Variants in MMP25 observed in about 807,000 individuals in gnomAD.
MMP25 encodes matrix metallopeptidase 25.
In MMP25, 68 loss-of-function variants were observed where a neutral mutation model predicts 62.1. The observed-to-expected ratio is 1.10, with a 90% CI of 0.90 to 1.34. The LOEUF (loss-of-function observed/expected upper bound fraction) is 1.34, where lower values mean the gene tolerates loss of function less well. Ranked by LOEUF, MMP25 falls within the 40% of genes most tolerant of loss-of-function variation. The pLI is 0.00. For synonymous variants in MMP25, 407 were observed against 345.6 expected (o/e 1.18, Z -1.97); for missense variants, 942 against 792.5 (o/e 1.19, Z -2.26).
chr16:3,058,001 C>T (rs1596222149), intron 7 of MMP25, 180 bp from the exon 8 acceptor site: 2 of 687,884 alleles, frequency 2.9e-6, no homozygotes, highest in Non-Finnish European at 4.7e-6. Context: ...CCAGGCAAGG[C>T]CCTGGCACTT....
At chr16:3,050,918 G>A (rs537095794) in intron 4 of MMP25, among the ~76,000 whole-genome samples, 2 of 151,858 alleles carry the variant, frequency 1.3e-5, no homozygotes, top group Non-Finnish European at 2.9e-5. Context: ...CAGCCACCAC[G>A]TAGCCAGGAC....
At chr16:3,056,876 G>C in intron 4 of MMP25, 157 bp from the exon 5 acceptor site, 2 of 651,130 alleles carry the variant, frequency 3.1e-6, no homozygotes, top group Non-Finnish European at 5.1e-6. Flanking sequence ...AGACAGGGAT[G>C]ATGGAGAGTT....
chr16:3,059,966 C>T lies in MMP25; in HGVS notation c.*868C>T, dbSNP rs997806422. 1 of 152,310 alleles carries T rather than the reference C, an allele frequency of 6.6e-6. No individual in the cohort carries two copies. 9.4% of individuals were successfully genotyped at this position (152,310 alleles called of 1,614,324 possible). A position where few individuals can be genotyped will look rare whatever the true frequency, so the allele number is the denominator to read the frequency against. On this transcript the variant is annotated 3_prime_UTR_variant, in exon 10 of 10. Coordinates refer to ENST00000336577, the MANE Select transcript of MMP25 (RefSeq NM_022468.5). ...TGGGGAACCCTTCTATCCCCAAGAA[C>T]CCCTTCCCTGCTTGCACCCTGGAGA...
chr16:3,058,267 G>A lies in MMP25; in HGVS notation c.1093G>A (p.Ala365Thr), dbSNP rs1555440303. ...RLHRFWEGLP[A>T]QVRVVQAAYA... ...GCACCGCTTCTGGGAGGGGCTGCCC[G>A]CCCAGGTGAGGGTGGTGCAGGCCGC... The change falls in exon 8 of 10, where the codon GCC becomes ACC. Residue 365 changes from alanine (A) to threonine (T), a missense_variant. Ala to Thr is a moderately conservative substitution (Grantham distance 58). Coordinates refer to ENST00000336577, the MANE Select transcript of MMP25 (RefSeq NM_022468.5). The A allele has an allele frequency of 6.2e-7, 1 of 1,610,606 alleles. No homozygotes were observed. Among genetic ancestry groups the A allele is most frequent in the Admixed American group, 1.7e-5 (1 of 59,890 alleles).
At position 3,050,024 on chromosome 16, in the gene MMP25, C is replaced by T; in HGVS notation, c.248C>T (p.Ala83Val). ...ETGRMDPGTV[A>V]TMRKPRCSLP... ...TCTCCCGCAGACCCAGGGACAGTGG[C>T]CACCATGCGTAAGCCCCGCTGCTCC... is the stretch of plus-strand genomic sequence containing the variant. The change falls in exon 3 of 10, where the codon GCC (alanine) becomes GTC (valine). Residue 83 changes from alanine to valine, a missense_variant. Physicochemically the swap from Ala to Val is moderately conservative, Grantham distance 64 (BLOSUM62 0). Transcript: ENST00000336577. The T allele has an allele frequency of 6.2e-7, 1 of 1,609,934 alleles. No individual in the cohort carries two copies. Among genetic ancestry groups the T allele is most frequent in the Middle Eastern group, 1.7e-4 (1 of 6,048 alleles).
Position 3,059,087 on chromosome 16 carries a change from G to C in MMP25, c.1678G>C (p.Ala560Pro). The C allele has an allele frequency of 1.3e-6, 2 of 1,543,326 alleles. No homozygotes were observed. The highest frequency in any genetic ancestry group is 1.2e-5 in the South Asian group (1 of 83,478). Residue 560 changes from alanine to proline, a missense_variant, in exon 10 of 10, where the codon GCC becomes CCC. Ala to Pro is a conservative substitution (Grantham distance 27). Coordinates refer to ENST00000336577, the MANE Select transcript of MMP25 (RefSeq NM_022468.5). The part of the protein sequence containing the change: ...LLLPLLVGGV[A>P]SR ...CTTGCCCCTGCTGGTGGGGGGTGTA[G>C]CCTCCCGCTGATGGGGGGAGCCATC...
chr16:3,046,625 G>A lies in MMP25; in HGVS notation c.-293G>A, dbSNP rs1955823038. The A allele has an allele frequency of 4.7e-6, 1 of 211,074 alleles. No homozygotes were observed. Among genetic ancestry groups the A allele is most frequent in the South Asian group, 1.9e-4 (1 of 5,296 alleles). The allele number at this position is 211,074 out of a possible 1,614,324, so 13.1% of individuals were successfully genotyped here. ...GGCGCAGCGCCCCGGGACCCCGAGA[G>A]GCCGCCGCGGCACATCCAGACCTCC... On this transcript the variant is annotated 5_prime_UTR_variant, in exon 1 of 10. Transcript: ENST00000336577.
rs1955836907 is a variant in MMP25, at chr16:3,047,473, A to G, written c.158A>G (p.Gln53Arg). Reference sequence around the variant, plus strand: ...CCCCACCCTGCCCAGGCCCAGCTGCAGAGCCCTGAGAAGTTGCGCGATGCC... The same window carrying G: ...CCCCACCCTGCCCAGGCCCAGCTGCGGAGCCCTGAGAAGTTGCGCGATGCC... ...PPPHPAQAQL[Q>R]SPEKLRDAIK... The change falls in exon 2 of 10, where the codon CAG becomes CGG. Residue 53 changes from glutamine (Q) to arginine (R), a missense_variant. By Grantham distance (43) the Gln-to-Arg change is conservative. Coordinates refer to ENST00000336577, the MANE Select transcript of MMP25 (RefSeq NM_022468.5). 6.2e-7 allele frequency: 1 copy of G among 1,613,768 alleles called. No homozygotes were observed. Among genetic ancestry groups the G allele is most frequent in the African/African-American group, 1.3e-5 (1 of 74,908 alleles).
chr16:3,048,301 C>T (rs886436936), intron 2 of MMP25, among the ~76,000 whole-genome samples: 1 of 152,224 alleles, frequency 6.6e-6, no homozygotes, highest in African/African-American at 2.4e-5. Flanking sequence ...GATGGAGACC[C>T]AGTCTCTAAC....
intron 1 of MMP25, 142 bp from the exon 2 acceptor site, chr16:3,047,273 T>C: frequency 7.8e-7 from 1 of 1,289,154 alleles, no homozygotes; most frequent in Non-Finnish European, 1.1e-6. Flanking sequence ...CGGGGACCTA[T>C]GGAGGGGAGC....
At chr16:3,047,124 A>T in intron 1 of MMP25, 108 bp downstream of exon 1, 2 of 1,231,352 alleles carry the variant, frequency 1.6e-6, no homozygotes, top group Non-Finnish European at 2.1e-6. Flanking sequence ...TCCAATATCC[A>T]AAGAGTGACT....
Position 3,050,001 on chromosome 16 carries a change from TC to T in MMP25, c.233-5del. Reference sequence around the variant, plus strand: ...GACACACCCCCCACCGCCAAATGTCTCCCGCAGACCCAGGGACAGTGGCCAC... The same window carrying T: ...GACACACCCCCCACCGCCAAATGTCTCCGCAGACCCAGGGACAGTGGCCAC... On this transcript the variant is annotated splice_polypyrimidine_tract_variant and splice_region_variant and intron_variant, in intron 2 of 9. Transcript: ENST00000336577. The T allele has an allele frequency of 1.9e-6, 3 of 1,608,352 alleles. No homozygotes were observed. Among genetic ancestry groups the T allele is most frequent in the Non-Finnish European group, 1.7e-6 (2 of 1,179,912 alleles).
chr16:3,053,073 G>A (rs1955930242), intron 4 of MMP25: 1 of 152,294 alleles, frequency 6.6e-6, no homozygotes, highest in Non-Finnish European at 1.5e-5. Context: ...GGCTGCTGGG[G>A]AGCCTGAGTG....
chr16:3,046,953 T>C lies in MMP25; in HGVS notation c.36T>C (p.Leu12=). 6.8e-7 allele frequency: 1 copy of C among 1,472,594 alleles called. No homozygotes were observed. The highest frequency in any genetic ancestry group is 8.9e-7 in the Non-Finnish European group (1 of 1,120,380). 91.2% of individuals were successfully genotyped at this position (1,472,594 alleles called of 1,614,324 possible). The part of the protein sequence containing the change: ...RLRLRLLALL[L]LLLAPPARAP... ...GGCTCCGGCTTCTGGCGCTGCTGCT[T>C]CTGCTGCTGGCACCGCCCGCGCGCG... Residue 12 remains leucine, a synonymous_variant, in exon 1 of 10, where the codon CTT becomes CTC. Coordinates refer to ENST00000336577, the MANE Select transcript of MMP25 (RefSeq NM_022468.5).
rs774691508 is a variant in MMP25, at chr16:3,050,091, T to A, written c.315T>A (p.Arg105=). The change falls in exon 3 of 10, where the codon CGT becomes CGA. Residue 105 remains arginine, a synonymous_variant. Transcript: ENST00000336577. ...VLGVAGLVRR[R]RRYALSGSVW... ...GGGTGGCGGGGCTGGTCAGGCGGCG[T>A]CGCCGGTACGCTCTGAGCGGCAGCG... 2 of 1,611,322 alleles carry A rather than the reference T, an allele frequency of 1.2e-6. No homozygotes were observed. The highest frequency in any genetic ancestry group is 2.2e-5 in the East Asian group (1 of 44,874).
At chr16:3,047,838 A>ATT (rs34310361) in intron 2 of MMP25, among the ~76,000 whole-genome samples, 87 of 134,976 alleles carry the variant, frequency 6.4e-4, no homozygotes, top group South Asian at 9.6e-4. Context: ...CTCTCCAAGG[A>ATT]TTTTTTTTTT....
In MMP25 at chr16:3,046,831, A is replaced by T; in HGVS notation, c.-87A>T. 1.4e-6 allele frequency: 1 copy of T among 709,774 alleles called. No homozygotes were observed. Among genetic ancestry groups the T allele is most frequent in the Non-Finnish European group, 2.1e-6 (1 of 480,826 alleles). The allele number at this position is 709,774 out of a possible 1,614,324, so 44.0% of individuals were successfully genotyped here. A position where few individuals can be genotyped will look rare whatever the true frequency, so the allele number is the denominator to read the frequency against. The stretch of plus-strand genomic sequence containing the variant: ...GTGCCGGGTGCCCCCCGCCCTCTCC[A>T]GGCCCGGATCTCCTCCCCCAGGTCC... On this transcript the variant is annotated 5_prime_UTR_variant, in exon 1 of 10. Transcript: ENST00000336577.
At position 3,058,399 on chromosome 16, in the gene MMP25, C is replaced by A; in HGVS notation, c.1160-13C>A. ...GGGAGCCCACCCCTGACCTCCCGGCCTCCACCCTGCAGGGCCCCAGTTCTG... is the reference window on the plus strand; with the variant it reads ...GGGAGCCCACCCCTGACCTCCCGGCATCCACCCTGCAGGGCCCCAGTTCTG... On this transcript the variant is annotated splice_polypyrimidine_tract_variant and intron_variant, in intron 8 of 9. Transcript: ENST00000336577. 1 of 1,525,044 alleles carries A rather than the reference C, an allele frequency of 6.6e-7. No individual in the cohort carries two copies. The highest frequency in any genetic ancestry group is 8.8e-7 in the Non-Finnish European group (1 of 1,136,106). 94.5% of individuals were successfully genotyped at this position (1,525,044 alleles called of 1,614,324 possible).
rs1955970782 is a variant in MMP25 at position 3,054,655 on chromosome 16, T to G, written c.662-2378T>G. The G allele has an allele frequency of 1.4e-5, 2 of 138,972 alleles. 1 individual carries two copies. The allele number at this position is 138,972 out of a possible 1,614,324, so 8.6% of individuals were successfully genotyped here. ...ACAGATGCATGCACAGAGGCAGGGA[T>G]GGATGTACGGACAGATGCATGCACA... On this transcript the variant is annotated intron_variant, in intron 4 of 9. Coordinates refer to ENST00000336577, the MANE Select transcript of MMP25 (RefSeq NM_022468.5).
Sources: gnomAD v4.1 joint callset for allele counts (sites outside exome capture counted in the v4.1 genomes callset) on GRCh38, gnomAD v4.1.1 for gene constraint, MANE v1.5 for transcripts, NCBI Gene and HGNC (gene_info 2026-07-23, HGNC 2026-07-21) for gene names.